RXRA: variants seen among roughly 807,000 people sequenced by gnomAD.
RXRA encodes retinoic acid receptor RXR-alpha.
In RXRA, 5 loss-of-function variants were observed where a neutral mutation model predicts 44.5. That is an observed-to-expected ratio of 0.11 (90% CI 0.06 to 0.24). The LOEUF is 0.24. RXRA is among the 10% of genes least tolerant of loss of function. RXRA has a pLI of 1.00. For synonymous variants in RXRA, 291 were observed against 271.4 expected (o/e 1.07, Z -0.71); for missense variants, 412 against 646.5 (o/e 0.64, Z 3.93).
Position 134,440,385 on chromosome 9 carries a change from G to T in RXRA, c.*3771G>T, listed in dbSNP as rs1196024122. 1.3e-5 allele frequency: 2 copies of T among 152,574 alleles called. No individual in the cohort carries two copies. The highest frequency in any genetic ancestry group is 2.9e-5 in the Non-Finnish European group (2 of 68,068). 9.5% of individuals were successfully genotyped at this position (152,574 alleles called of 1,614,324 possible). A position where few individuals can be genotyped will look rare whatever the true frequency, so the allele number is the denominator to read the frequency against. On this transcript the variant is annotated 3_prime_UTR_variant, in exon 10 of 10. Coordinates refer to ENST00000481739, the MANE Select transcript of RXRA (RefSeq NM_002957.6). Reference sequence around the variant, plus strand: ...AATTTTTAAAGCCTTGCTCTGTTGTGTCCTGTTGCCGGCTCTGGCCTTCCT... The same window carrying T: ...AATTTTTAAAGCCTTGCTCTGTTGTTTCCTGTTGCCGGCTCTGGCCTTCCT...
chr9:134,353,540 A>G (rs1422454500), intron 1 of RXRA, among the ~76,000 whole-genome samples: 1 of 152,192 alleles, frequency 6.6e-6, no homozygotes, highest in Admixed American at 6.5e-5. Context: ...TTCATTGCCC[A>G]GTGGTGCCCC....
intron 1 of RXRA, among the ~76,000 whole-genome samples, chr9:134,382,128 G>GGT (rs1830655739): frequency 6.6e-6 from 1 of 151,960 alleles, no homozygotes; most frequent in Non-Finnish European, 1.5e-5. Context: ...CAGGATGTGG[G>GGT]GGGGCGCAGG....
chr9:134,390,579 G>C (rs968536009), intron 1 of RXRA, among the ~76,000 whole-genome samples: 1 of 152,210 alleles, frequency 6.6e-6, no homozygotes, highest in African/African-American at 2.4e-5. Flanking sequence ...AAGTTTCTGC[G>C]GGGCAGGAGG....
At chr9:134,413,338 G>A (rs1383642172) in intron 4 of RXRA, among the ~76,000 whole-genome samples, 1 of 151,726 alleles carries the variant, frequency 6.6e-6, no homozygotes. Context: ...GGTATGTGTG[G>A]TGTGGTATGT....
intron 2 of RXRA, chr9:134,402,967 A>G (rs567146946): frequency 1.3e-5 from 2 of 152,222 alleles, no homozygotes; most frequent in African/African-American, 4.8e-5. Context: ...ACAGCACCAG[A>G]TGTGTCCTGT....
intron 1 of RXRA, among the ~76,000 whole-genome samples, chr9:134,360,862 G>A (rs1830342382): frequency 6.6e-6 from 1 of 152,252 alleles, no homozygotes; most frequent in Non-Finnish European, 1.5e-5. Context: ...AGCCTGCTGG[G>A]GGGATGCTAG....
chr9:134,427,519 G>A (rs150225447), intron 6 of RXRA, among the ~76,000 whole-genome samples: 91 of 152,324 alleles, frequency 6.0e-4, no homozygotes, highest in African/African-American at 2.1e-3. Context: ...CCTCATTTTG[G>A]TTGCACAGCC....
chr9:134,350,032 A>G (rs1481695845), intron 1 of RXRA, among the ~76,000 whole-genome samples: 2 of 151,082 alleles, frequency 1.3e-5, no homozygotes, highest in Non-Finnish European at 3.0e-5. Context: ...TTGCTGGCCT[A>G]TGGTCAGGAA....
Position 134,364,321 on chromosome 9 carries a change from G to A in RXRA, c.29-37311G>A, listed in dbSNP as rs559479953. On this transcript the variant is annotated intron_variant, in intron 1 of 9. Transcript: ENST00000481739. ...CTGCGTGGGCACCAGGGCACTGGTG[G>A]CTTCAGGGGGCTCCAAGCCCTGGCA... Among the ~76,000 whole-genome samples the A allele has an allele frequency of 2.6e-5, 4 of 152,360 alleles. No individual in the cohort carries two copies. The South Asian group carries it at 8.3e-4, about 32-fold the overall frequency.
chr9:134,424,919 C>T, intron 6 of RXRA: 1 of 985,460 alleles, frequency 1.0e-6, no homozygotes, highest in Non-Finnish European at 1.2e-6. Flanking sequence ...GGTGCCAGGG[C>T]CACTGAGTGC....
At chr9:134,388,725 T>G (rs1374397366) in intron 1 of RXRA, among the ~76,000 whole-genome samples, 1 of 152,220 alleles carries the variant, frequency 6.6e-6, no homozygotes, top group African/African-American at 2.4e-5. Flanking sequence ...TTCCCTGGTC[T>G]TCCTGCACCT....
chr9:134,415,464 A>AGAGGGAGG (rs1554755424), intron 4 of RXRA, among the ~76,000 whole-genome samples: 2 of 81,392 alleles, frequency 2.5e-5, no homozygotes, highest in African/African-American at 7.9e-5. Context: ...TCTGGAAGCC[A>AGAGGGAGG]GAGGGTGGGA....
chr9:134,376,257 T>G (rs1157843530), intron 1 of RXRA, among the ~76,000 whole-genome samples: 1 of 152,050 alleles, frequency 6.6e-6, no homozygotes, highest in East Asian at 1.9e-4. Flanking sequence ...CTGTCGCACC[T>G]CGCAGTGCCC....
intron 1 of RXRA, among the ~76,000 whole-genome samples, chr9:134,368,935 G>T (rs1307478628): frequency 7.7e-6 from 1 of 130,194 alleles, no homozygotes; most frequent in Non-Finnish European, 1.6e-5. Context: ...GAGTGCGGGG[G>T]TTATGTATGT....
intron 2 of RXRA, chr9:134,405,837 C>T (rs1220285455): frequency 6.5e-6 from 1 of 152,702 alleles, no homozygotes; most frequent in East Asian, 1.9e-4. Flanking sequence ...CCTTTGCTGC[C>T]CCTGCTCTGA....
In RXRA at chr9:134,417,783, G is replaced by A. The variant is rs1010531397; in HGVS notation, c.780+456G>A. ...GGCTGGCTCTGCCAGCAGCCGTGTG[G>A]CCCTGGGCAGGTGCCCGGCAGTCGC... On this transcript the variant is annotated intron_variant, in intron 5 of 9. Coordinates refer to ENST00000481739, the MANE Select transcript of RXRA (RefSeq NM_002957.6). This position sits in a 1 kb window ranked among gnomAD's most constrained non-coding sequence, Gnocchi z 6.1. Among the ~76,000 whole-genome samples, 3 of 152,156 alleles carry A rather than the reference G, an allele frequency of 2.0e-5. No homozygotes were observed. Among genetic ancestry groups the A allele is most frequent in the Non-Finnish European group, 4.4e-5 (3 of 68,014 alleles).
intron 1 of RXRA, among the ~76,000 whole-genome samples, chr9:134,339,789 G>A (rs993021509): frequency 6.7e-6 from 1 of 149,996 alleles, no homozygotes; most frequent in Non-Finnish European, 1.5e-5. Context: ...GTGTGAGCCT[G>A]TGTGTATGAG....
chr9:134,340,063 C>T (rs1554747942), intron 1 of RXRA, among the ~76,000 whole-genome samples: 1 of 152,048 alleles, frequency 6.6e-6, no homozygotes, highest in African/African-American at 2.4e-5. Context: ...GTCCCTGTCC[C>T]TGTGTGAGTG....
At position 134,439,987 on chromosome 9, in the gene RXRA, C is replaced by T. The variant is rs193210233; in HGVS notation, c.*3373C>T. ...CAGACAGCTTTAGCCGTTCCCAATC[C>T]TTAGCAATGCCTTAGCTGGGACGCA... On this transcript the variant is annotated 3_prime_UTR_variant, in exon 10 of 10. Coordinates refer to ENST00000481739, the MANE Select transcript of RXRA (RefSeq NM_002957.6). The T allele has an allele frequency of 2.3e-3, 353 of 152,482 alleles. No individual in the cohort carries two copies. Among genetic ancestry groups the T allele is most frequent in the Non-Finnish European group, 4.1e-3 (279 of 68,020 alleles). 9.4% of individuals were successfully genotyped at this position (152,482 alleles called of 1,614,324 possible). A position where few individuals can be genotyped will look rare whatever the true frequency, so the allele number is the denominator to read the frequency against.
Sources: allele counts gnomAD v4.1 joint callset (sites outside exome capture counted in the v4.1 genomes callset), GRCh38; gene constraint gnomAD v4.1.1; non-coding constraint Gnocchi (gnomAD v3.1); transcripts MANE v1.5; gene names NCBI Gene and HGNC (gene_info 2026-07-23, HGNC 2026-07-21).